The following LPP variants were observed in gnomAD, a reference collection of about 807,000 sequenced individuals.
LPP encodes the protein LIM domain containing preferred translocation partner in lipoma.
A neutral mutation model predicts 60.4 loss-of-function variants in LPP; 38 were observed. The observed-to-expected ratio is 0.63, with a 90% CI of 0.49 to 0.83. LPP has a LOEUF of 0.83. LPP is among the 40% of genes least tolerant of loss of function. The pLI, the probability that LPP is intolerant of heterozygous loss-of-function variation, is 0.00. For synonymous variants in LPP, 328 were observed against 290.8 expected, an observed-to-expected ratio of 1.13 and a Z score of -1.30; for missense variants, 902 against 783.6, an observed-to-expected ratio of 1.15 and a Z score of -1.80.
intron 4 of LPP, among the ~76,000 whole-genome samples, chr3:188,412,585 C>A (rs181208420): frequency 6.6e-6 from 1 of 152,288 alleles, no homozygotes; most frequent in East Asian, 1.9e-4. Context: ...GGGAGACCCT[C>A]ACACCTAGGG....
intron 2 of LPP, among the ~76,000 whole-genome samples, chr3:188,265,750 T>G (rs1008420443): frequency 3.9e-5 from 6 of 151,926 alleles, no homozygotes; most frequent in African/African-American, 9.7e-5. Flanking sequence ...AGGTGAGATA[T>G]CTGTATCCAA....
At chr3:188,661,252 T>C (rs533645742) in intron 7 of LPP, among the ~76,000 whole-genome samples, 1 of 152,342 alleles carries the variant, frequency 6.6e-6, no homozygotes, top group South Asian at 2.1e-4. Flanking sequence ...AAAGGACATC[T>C]TAGTTGTTTC....
At chr3:188,502,883 CTGAAAG>C (rs1424768175) in intron 5 of LPP, among the ~76,000 whole-genome samples, 3 of 151,974 alleles carry the variant, frequency 2.0e-5, no homozygotes, top group Admixed American at 6.6e-5. Flanking sequence ...GTATGTTCTA[CTGAAAG>C]TGAAAGACAG....
chr3:188,832,080 C>G (rs1757276844), intron 9 of LPP, among the ~76,000 whole-genome samples: 1 of 152,208 alleles, frequency 6.6e-6, no homozygotes, highest in Non-Finnish European at 1.5e-5. Context: ...CCCCTGCCTC[C>G]TGGTGTTTAC....
At chr3:188,527,195 C>CA (rs35562615) in intron 6 of LPP, among the ~76,000 whole-genome samples, 2,107 of 151,846 alleles carry the variant, frequency 0.014, 25 homozygotes, top group South Asian at 0.049. Context: ...ACTAAAAATA[C>CA]AAAAAATAGC....
chr3:188,746,471 T>G (rs748956240), intron 8 of LPP: 6 of 482,876 alleles, frequency 1.2e-5, no homozygotes, highest in South Asian at 9.3e-5. Flanking sequence ...TAACTATCTC[T>G]TCTTTGAACT....
intron 4 of LPP, among the ~76,000 whole-genome samples, chr3:188,428,139 C>T (rs1012213035): frequency 2.6e-5 from 4 of 152,158 alleles, no homozygotes; most frequent in African/African-American, 9.7e-5. Flanking sequence ...ATGGCACAGT[C>T]TCTCATGGCT....
chr3:188,620,459 A>G (rs544703699), intron 7 of LPP, among the ~76,000 whole-genome samples: 1 of 152,198 alleles, frequency 6.6e-6, no homozygotes, highest in African/African-American at 2.4e-5. Flanking sequence ...AATATTTTCA[A>G]TTTCCATTCA....
chr3:188,681,015 T>G (rs944896477), intron 7 of LPP, among the ~76,000 whole-genome samples: 3 of 132,572 alleles, frequency 2.3e-5, no homozygotes, highest in Admixed American at 8.5e-5. Flanking sequence ...TTTTTTTTTG[T>G]GAGACAGAGT....
intron 9 of LPP, among the ~76,000 whole-genome samples, chr3:188,801,409 T>C (rs1747227282): frequency 6.6e-6 from 1 of 152,232 alleles, no homozygotes; most frequent in Admixed American, 6.5e-5. Flanking sequence ...TATTGAAAAC[T>C]AGAGGCACAT....
chr3:188,280,724 G>C (rs9808977), intron 2 of LPP, among the ~76,000 whole-genome samples: 6,864 of 152,078 alleles, frequency 0.045, 530 homozygotes, highest in African/African-American at 0.16. Context: ...ACCAGTTCCC[G>C]TTTTGTCTGG....
At chr3:188,622,071 G>C (rs1028832872) in intron 7 of LPP, among the ~76,000 whole-genome samples, 1 of 152,136 alleles carries the variant, frequency 6.6e-6, no homozygotes, top group African/African-American at 2.4e-5. Context: ...GAAATCAGTT[G>C]GGTTAACAAG....
At chr3:188,386,297 C>T (rs1778292130) in intron 3 of LPP, among the ~76,000 whole-genome samples, 2 of 151,632 alleles carry the variant, frequency 1.3e-5, no homozygotes, top group East Asian at 3.9e-4. Context: ...CACACACACA[C>T]ACACACACAC....
intron 4 of LPP, among the ~76,000 whole-genome samples, chr3:188,419,615 A>G (rs1787225667): frequency 6.6e-6 from 1 of 152,186 alleles, no homozygotes; most frequent in African/African-American, 2.4e-5. Context: ...GTTATGCACT[A>G]GGCGTGGTGG....
chr3:188,227,858 A>T (rs558620405), intron 2 of LPP, among the ~76,000 whole-genome samples: 1 of 152,348 alleles, frequency 6.6e-6, no homozygotes, highest in African/African-American at 2.4e-5. Context: ...ATTGAAGCCA[A>T]GAGAATGGGA....
intron 6 of LPP, among the ~76,000 whole-genome samples, chr3:188,565,193 CTG>C (rs1831835058): frequency 6.6e-6 from 1 of 151,956 alleles, no homozygotes; most frequent in Non-Finnish European, 1.5e-5. Context: ...TGTTACAAAA[CTG>C]TGGCAATGTA....
chr3:188,496,027 C>A (rs1810084178), intron 5 of LPP, among the ~76,000 whole-genome samples: 1 of 152,094 alleles, frequency 6.6e-6, no homozygotes, highest in Non-Finnish European at 1.5e-5. Context: ...GTGTTTATAC[C>A]AATCCTTGAG....
At chr3:188,676,676 C>A (rs1858180560) in intron 7 of LPP, among the ~76,000 whole-genome samples, 1 of 152,070 alleles carries the variant, frequency 6.6e-6, no homozygotes, top group Admixed American at 6.5e-5. Flanking sequence ...CATTAAAGAC[C>A]AATGTGGCCT....
chr3:188,839,809 C>T (rs1336503451), intron 9 of LPP, among the ~76,000 whole-genome samples: 1 of 151,908 alleles, frequency 6.6e-6, no homozygotes, highest in East Asian at 1.9e-4. Flanking sequence ...ACCAGGGAGT[C>T]GGAGGTTGCA....
Sources: gnomAD v4.1 joint callset for allele counts (sites outside exome capture counted in the v4.1 genomes callset) on GRCh38, gnomAD v4.1.1 for gene constraint, MANE v1.5 for transcripts, NCBI Gene and HGNC (gene_info 2026-07-23, HGNC 2026-07-21) for gene names.